The following SHISA9 variants were observed in gnomAD, a reference collection of about 807,000 sequenced individuals.
SHISA9 encodes shisa family member 9.
In SHISA9, 13 loss-of-function variants were observed where a neutral mutation model predicts 38.0. The ratio of observed to expected loss-of-function variants is 0.34; its 90% CI spans 0.22 to 0.54. SHISA9 has a LOEUF of 0.54. Ranked by LOEUF, SHISA9 falls within the 20% of genes least tolerant of loss-of-function variation. SHISA9 has a pLI of 0.91. For synonymous variants in SHISA9, 275 were observed against 242.0 expected (o/e 1.14, Z -1.27); for missense variants, 538 against 575.8 (o/e 0.93, Z 0.67).
the SHISA9 span, chr16:13,332,133 CAAAG>C: frequency 6.6e-6 from 1 of 152,128 alleles, no homozygotes; most frequent in African/African-American, 2.4e-5. Flanking sequence ...CAACAAAAAA[CAAAG>C]AGAGGCCCTC....
chr16:13,472,593 C>T, the SHISA9 span, among the ~76,000 whole-genome samples: 3 of 151,808 alleles, frequency 2.0e-5, no homozygotes, highest in African/African-American at 2.4e-5. Flanking sequence ...GGGGTTTCAC[C>T]ATGTTAGCCA....
intron 2 of SHISA9, among the ~76,000 whole-genome samples, chr16:13,198,046 T>G (rs2050965159): frequency 6.6e-6 from 1 of 151,948 alleles, no homozygotes; most frequent in South Asian, 2.1e-4. Context: ...TTAGCCGGGC[T>G]TGGTGGCACA....
At chr16:13,373,882 C>G in the SHISA9 span, among the ~76,000 whole-genome samples, 7 of 152,252 alleles carry the variant, frequency 4.6e-5, no homozygotes, top group African/African-American at 1.7e-4. Context: ...AATAAGATCT[C>G]ATAACACGTT....
chr16:13,269,695 C>T, the SHISA9 span, among the ~76,000 whole-genome samples: 19 of 152,146 alleles, frequency 1.2e-4, no homozygotes, highest in Non-Finnish European at 1.5e-5. Flanking sequence ...ACAGTATATG[C>T]TAAGGTCCTG....
chr16:13,003,288 A>T (rs965534000), intron 2 of SHISA9, among the ~76,000 whole-genome samples: 1 of 152,214 alleles, frequency 6.6e-6, no homozygotes. Context: ...GCAGGGGGAA[A>T]ACATGATCTA....
At chr16:13,174,108 G>A (rs1387954175) in intron 2 of SHISA9, among the ~76,000 whole-genome samples, 1 of 152,048 alleles carries the variant, frequency 6.6e-6, no homozygotes, top group Non-Finnish European at 1.5e-5. Context: ...TGATCTCCAA[G>A]GTCTTTACTA....
chr16:13,470,541 C>T, the SHISA9 span, among the ~76,000 whole-genome samples: 1 of 152,118 alleles, frequency 6.6e-6, no homozygotes, highest in Non-Finnish European at 1.5e-5. Flanking sequence ...AACTGCCCTT[C>T]ATAAAACCAA....
chr16:12,948,028 A>G (rs2071709072), intron 2 of SHISA9, among the ~76,000 whole-genome samples: 2 of 152,182 alleles, frequency 1.3e-5, no homozygotes, highest in South Asian at 4.1e-4. Flanking sequence ...GGTAGCCTCC[A>G]TTTATTGTTT....
chr16:13,383,623 A>G, the SHISA9 span, among the ~76,000 whole-genome samples: 2 of 152,156 alleles, frequency 1.3e-5, no homozygotes, highest in Non-Finnish European at 2.9e-5. Flanking sequence ...TGCACCAGCC[A>G]CAATTATGTT....
chr16:13,356,903 G>A, the SHISA9 span, among the ~76,000 whole-genome samples: 16 of 152,136 alleles, frequency 1.1e-4, no homozygotes, highest in Admixed American at 2.0e-4. Context: ...AACTACCGTC[G>A]AGTTTGTATT....
the SHISA9 span, among the ~76,000 whole-genome samples, chr16:13,269,512 A>G: frequency 6.6e-6 from 1 of 152,292 alleles, no homozygotes; most frequent in East Asian, 1.9e-4. Flanking sequence ...GTCTCTTAAC[A>G]GTGAGCCAGT....
chr16:13,152,615 C>A (rs556407225), intron 2 of SHISA9, among the ~76,000 whole-genome samples: 1 of 152,210 alleles, frequency 6.6e-6, no homozygotes, highest in South Asian at 2.1e-4. Context: ...ATTCAAATCC[C>A]AGGGGCAGGG....
At chr16:13,009,056 G>A (rs988692803) in intron 2 of SHISA9, among the ~76,000 whole-genome samples, 5 of 151,842 alleles carry the variant, frequency 3.3e-5, no homozygotes, top group East Asian at 3.9e-4. Flanking sequence ...ATGAATGTCC[G>A]TTATGTTCTA....
At chr16:13,342,930 C>T in the SHISA9 span, among the ~76,000 whole-genome samples, 2 of 152,148 alleles carry the variant, frequency 1.3e-5, no homozygotes, top group Non-Finnish European at 1.5e-5. Context: ...CATCCTATGA[C>T]GTTTTCCTAT....
the SHISA9 span, among the ~76,000 whole-genome samples, chr16:13,265,056 A>T: frequency 1.5e-3 from 24 of 16,532 alleles, no homozygotes; most frequent in South Asian, 3.1e-3. Context: ...CCTCCCTTCC[A>T]CCCCCTTCCC....
chr16:12,939,323 ATC>A (rs1331566429), intron 2 of SHISA9, among the ~76,000 whole-genome samples: 3 of 152,154 alleles, frequency 2.0e-5, no homozygotes, highest in Non-Finnish European at 2.9e-5. Flanking sequence ...ACCTCAGGCA[ATC>A]CACCCATCTT....
At chr16:13,204,161 T>C (rs2051038248) in intron 3 of SHISA9, among the ~76,000 whole-genome samples, 1 of 149,858 alleles carries the variant, frequency 6.7e-6, no homozygotes, top group Non-Finnish European at 1.5e-5. Flanking sequence ...TATCTATCTA[T>C]CTATCTATTT....
At chr16:13,265,056 AC>A in the SHISA9 span, among the ~76,000 whole-genome samples, 4 of 16,580 alleles carry the variant, frequency 2.4e-4, no homozygotes, top group East Asian at 2.2e-3. Flanking sequence ...CCTCCCTTCC[AC>A]CCCCTTCCCC....
the SHISA9 span, among the ~76,000 whole-genome samples, chr16:13,516,259 G>C: frequency 6.6e-6 from 1 of 152,214 alleles, no homozygotes; most frequent in African/African-American, 2.4e-5. Context: ...TTGCACACAG[G>C]CAGGATTCCT....
Sources: gnomAD v4.1 joint callset for allele counts (sites outside exome capture counted in the v4.1 genomes callset) on GRCh38, gnomAD v4.1.1 for gene constraint, MANE v1.5 for transcripts, NCBI Gene and HGNC (gene_info 2026-07-23, HGNC 2026-07-21) for gene names.